The following SPON1 variants were observed in gnomAD, a reference collection of about 807,000 sequenced individuals.
SPON1 encodes spondin-1.
A neutral mutation model predicts 111.7 loss-of-function variants in SPON1; 52 were observed. The ratio of observed to expected loss-of-function variants is 0.47; its 90% CI spans 0.37 to 0.59. SPON1 has a LOEUF of 0.59. Among genes scored for constraint, SPON1 ranks in the 20% least tolerant of loss-of-function variants. The pLI is 0.00. For synonymous variants in SPON1, 410 were observed against 395.8 expected, an observed-to-expected ratio of 1.04 and a Z score of -0.43; for missense variants, 957 against 1,068.5, an observed-to-expected ratio of 0.90 and a Z score of 1.46.
intron 5 of SPON1, among the ~76,000 whole-genome samples, chr11:14,127,113 G>A (rs1379515086): frequency 3.3e-5 from 5 of 151,872 alleles, no homozygotes; most frequent in Admixed American, 3.3e-4. Flanking sequence ...AATATTTATT[G>A]ACCCTATTTT....
chr11:14,174,696 T>C (rs1383605381), intron 6 of SPON1, among the ~76,000 whole-genome samples: 1 of 151,998 alleles, frequency 6.6e-6, no homozygotes, highest in Non-Finnish European at 1.5e-5. Context: ...AGAAAAATAA[T>C]TCAGTCAATT....
chr11:14,022,238 G>T (rs578108383), intron 2 of SPON1, among the ~76,000 whole-genome samples: 4 of 152,338 alleles, frequency 2.6e-5, no homozygotes, highest in South Asian at 2.1e-4. Context: ...ATATCAGCCA[G>T]CTGAGCTCCC....
rs1258026430 is a variant in SPON1 at position 14,265,764 on chromosome 11, A to G, written c.*77A>G. ...GCTGGATTATTTGCTTGTTTAAGAC[A>G]ATTTAAATTGTGTACGCTAGTTTTC... On this transcript the variant is annotated 3_prime_UTR_variant, in exon 16 of 16. Coordinates refer to ENST00000576479, the MANE Select transcript of SPON1 (RefSeq NM_006108.4). 9 of 1,501,446 alleles carry G rather than the reference A, an allele frequency of 6.0e-6. No individual in the cohort carries two copies. The highest frequency in any genetic ancestry group is 1.4e-5 in the African/African-American group (1 of 71,988). The allele number at this position is 1,501,446 out of a possible 1,614,324, so 93.0% of individuals were successfully genotyped here.
At chr11:13,969,241 C>T (rs1417588599) in intron 1 of SPON1, among the ~76,000 whole-genome samples, 2 of 131,584 alleles carry the variant, frequency 1.5e-5, no homozygotes, top group African/African-American at 2.7e-5. Context: ...AAAAAATTAG[C>T]TGGCTGTGGT....
intron 2 of SPON1, among the ~76,000 whole-genome samples, chr11:14,036,391 G>A (rs555194223): frequency 6.6e-6 from 1 of 152,264 alleles, no homozygotes; most frequent in Non-Finnish European, 1.5e-5. Flanking sequence ...TGGAAGGTAA[G>A]ATGGACAACA....
At chr11:13,965,733 C>T (rs782157735) in intron 1 of SPON1, among the ~76,000 whole-genome samples, 5 of 152,146 alleles carry the variant, frequency 3.3e-5, no homozygotes, top group South Asian at 2.1e-4. Flanking sequence ...ACTCAAAGTC[C>T]GAAAGAAAAG....
At chr11:13,995,063 T>G (rs1848261049) in intron 2 of SPON1, among the ~76,000 whole-genome samples, 1 of 152,228 alleles carries the variant, frequency 6.6e-6, no homozygotes, top group Non-Finnish European at 1.5e-5. Flanking sequence ...AATTTATAAT[T>G]ATTTGTAGGA....
intron 6 of SPON1, among the ~76,000 whole-genome samples, chr11:14,161,021 A>ATATATATATATATC (rs1847943269): frequency 2.7e-5 from 1 of 36,498 alleles, no homozygotes; most frequent in Non-Finnish European, 4.9e-5. Context: ...TTATATATCT[A>ATATATATATATATC]TATATATTTA....
intron 1 of SPON1, among the ~76,000 whole-genome samples, chr11:13,970,994 T>C (rs1170573011): frequency 1.3e-5 from 2 of 152,166 alleles, no homozygotes; most frequent in Non-Finnish European, 2.9e-5. Context: ...TCATTATTTG[T>C]TGAAAAAAAT....
In SPON1 at chr11:14,254,732, G is replaced by A; in HGVS notation, c.1092+3G>A. 6.2e-7 allele frequency: 1 copy of A among 1,613,196 alleles called. No individual in the cohort carries two copies. Among genetic ancestry groups the A allele is most frequent in the Middle Eastern group, 1.8e-4 (1 of 5,676 alleles). On this transcript the variant is annotated splice_donor_region_variant and intron_variant, in intron 8 of 15. Transcript: ENST00000576479. ...CCGACAGCGGGGTGACCTATGAGGTGTGTGTGTGTGCCTGGAGTGGTGAGT... is the reference window on the plus strand; with the variant it reads ...CCGACAGCGGGGTGACCTATGAGGTATGTGTGTGTGCCTGGAGTGGTGAGT...
intron 3 of SPON1, among the ~76,000 whole-genome samples, chr11:14,044,117 A>ATCCATGTAATATTAAAG (rs6144224): frequency 0.4 from 59,882 of 151,224 alleles, 12,915 homozygotes; most frequent in South Asian, 0.56. Context: ...AAAGTCATGA[A>ATCCATGTAATATTAAAG]TCCATGTAAT....
At chr11:14,232,359 G>A (rs781985321) in intron 6 of SPON1, among the ~76,000 whole-genome samples, 8 of 152,146 alleles carry the variant, frequency 5.3e-5, no homozygotes, top group Non-Finnish European at 1.0e-4. Flanking sequence ...TCTCCAGCAC[G>A]TGGAATAGGC....
intron 6 of SPON1, among the ~76,000 whole-genome samples, chr11:14,199,273 C>T (rs1476034331): frequency 6.6e-6 from 1 of 152,146 alleles, no homozygotes; most frequent in African/African-American, 2.4e-5. Context: ...CCATATTCCT[C>T]CAATGTCTTC....
intron 7 of SPON1, among the ~76,000 whole-genome samples, chr11:14,249,406 G>C (rs1849028275): frequency 6.6e-6 from 1 of 152,186 alleles, no homozygotes; most frequent in Admixed American, 6.5e-5. Context: ...CATCCAGATG[G>C]ACCTGGAGTC....
chr11:14,089,099 G>T (rs1554923015), intron 5 of SPON1, among the ~76,000 whole-genome samples: 2 of 151,956 alleles, frequency 1.3e-5, no homozygotes, highest in Non-Finnish European at 2.9e-5. Flanking sequence ...AGAGGAGTTT[G>T]TTATTACTCA....
intron 6 of SPON1, among the ~76,000 whole-genome samples, chr11:14,177,469 CA>C (rs782642908): frequency 1.3e-5 from 2 of 152,090 alleles, no homozygotes; most frequent in Non-Finnish European, 2.9e-5. Context: ...GTGGGGGCCA[CA>C]AGATCAATGA....
At position 14,190,728 on chromosome 11, in the gene SPON1, C is replaced by T. The variant is rs574884324; in HGVS notation, c.826-52604C>T. ...TGATCTCGGCTCACTGCAACCTCCA[C>T]CTCCCAGATTCAAGTGATTCTCCTG... On this transcript the variant is annotated intron_variant, in intron 6 of 15. Transcript: ENST00000576479. Among the ~76,000 whole-genome samples the T allele has an allele frequency of 4.0e-5, 6 of 151,494 alleles. No homozygotes were observed. The South Asian group carries it at 1.3e-3, about 32-fold the overall frequency.
intron 15 of SPON1, among the ~76,000 whole-genome samples, 165 bp from the exon 16 acceptor site, chr11:14,265,355 GCAGT>G (rs782571957): frequency 2.0e-5 from 3 of 152,104 alleles, no homozygotes; most frequent in Non-Finnish European, 4.4e-5. Flanking sequence ...CCATTTTTTT[GCAGT>G]CAGTCACATA....
chr11:14,092,551 A>G (rs1849068095), intron 5 of SPON1, among the ~76,000 whole-genome samples: 1 of 152,146 alleles, frequency 6.6e-6, no homozygotes, highest in Non-Finnish European at 1.5e-5. Flanking sequence ...CAACCATTTT[A>G]CAAAATGGTT....
Sources: allele counts gnomAD v4.1 joint callset (sites outside exome capture counted in the v4.1 genomes callset), GRCh38; gene constraint gnomAD v4.1.1; transcripts MANE v1.5; gene names NCBI Gene and HGNC (gene_info 2026-07-23, HGNC 2026-07-21).